The following CCDC60 variants were observed in gnomAD, a reference collection of about 807,000 sequenced individuals.
CCDC60 encodes coiled-coil domain containing 60.
A neutral mutation model predicts 63.5 loss-of-function variants in CCDC60; 54 were observed. The observed-to-expected ratio is 0.85, with a 90% confidence interval of 0.68 to 1.07. The LOEUF is 1.07. Among genes scored for constraint, CCDC60 ranks in the 50% least tolerant of loss-of-function variants. The probability of loss-of-function intolerance (pLI) is 0.00; values close to 1 mark genes in which losing one functional copy is unlikely to be tolerated. For synonymous variants in CCDC60, 206 were observed against 238.8 expected (o/e 0.86, Z 1.27); for missense variants, 651 against 684.3 (o/e 0.95, Z 0.54).
intron 2 of CCDC60, among the ~76,000 whole-genome samples, chr12:119,447,076 C>A (rs1408177260): frequency 6.6e-6 from 1 of 152,174 alleles, no homozygotes; most frequent in African/African-American, 2.4e-5. Context: ...ACTGACACAG[C>A]TCAGCAAACT....
chr12:119,337,016 GGA>G (rs1322604800), intron 1 of CCDC60, among the ~76,000 whole-genome samples: 4 of 152,156 alleles, frequency 2.6e-5, no homozygotes, highest in Admixed American at 2.6e-4. Flanking sequence ...TCATGCCCCA[GGA>G]AGGAGGGCCT....
chr12:119,455,470 A>G (rs1950709642), intron 2 of CCDC60, among the ~76,000 whole-genome samples: 1 of 152,346 alleles, frequency 6.6e-6, no homozygotes, highest in South Asian at 2.1e-4. Flanking sequence ...GGGAAGAGGT[A>G]TTGAATGACC....
chr12:119,473,893 A>G (rs1000289738), intron 3 of CCDC60, among the ~76,000 whole-genome samples: 6 of 152,144 alleles, frequency 3.9e-5, no homozygotes, highest in Non-Finnish European at 7.3e-5. Context: ...GACTAGTTCT[A>G]TATTTTTGCA....
chr12:119,461,498 C>T (rs1275077437), intron 2 of CCDC60, among the ~76,000 whole-genome samples: 1 of 152,064 alleles, frequency 6.6e-6, no homozygotes, highest in Non-Finnish European at 1.5e-5. Flanking sequence ...TGAGAATACT[C>T]CTATTGCTGC....
chr12:119,505,717 G>A (rs983935660), intron 7 of CCDC60, among the ~76,000 whole-genome samples: 2 of 152,106 alleles, frequency 1.3e-5, no homozygotes, highest in South Asian at 2.1e-4. Flanking sequence ...TCAGCTGGGC[G>A]TGATGGCACA....
chr12:119,419,804 C>T (rs1296872155), intron 1 of CCDC60, among the ~76,000 whole-genome samples: 2 of 152,026 alleles, frequency 1.3e-5, no homozygotes, highest in East Asian at 1.9e-4. Context: ...CCACCTCTCC[C>T]TGACAATCAA....
At chr12:119,394,118 A>G (rs1409772787) in intron 1 of CCDC60, among the ~76,000 whole-genome samples, 1 of 152,214 alleles carries the variant, frequency 6.6e-6, no homozygotes, top group Admixed American at 6.5e-5. Context: ...CATGCCAGGC[A>G]TTCTGTGTTC....
At chr12:119,426,836 G>C (rs2136229723) in intron 1 of CCDC60, among the ~76,000 whole-genome samples, 1 of 152,182 alleles carries the variant, frequency 6.6e-6, no homozygotes, top group Non-Finnish European at 1.5e-5. Flanking sequence ...CTCCCACTCT[G>C]CCTCCCACCC....
intron 9 of CCDC60, among the ~76,000 whole-genome samples, chr12:119,521,934 C>T (rs1952541124): frequency 6.6e-6 from 1 of 152,112 alleles, no homozygotes; most frequent in African/African-American, 2.4e-5. Context: ...TGAGGATTTG[C>T]CTACTAGGCC....
At chr12:119,451,449 A>C (rs952482956) in intron 2 of CCDC60, among the ~76,000 whole-genome samples, 1 of 149,044 alleles carries the variant, frequency 6.7e-6, no homozygotes, top group Admixed American at 6.7e-5. Context: ...GTAATTTGTC[A>C]TGTGATATGT....
chr12:119,371,767 C>G (rs1955900138), intron 1 of CCDC60, among the ~76,000 whole-genome samples: 1 of 152,188 alleles, frequency 6.6e-6, no homozygotes, highest in South Asian at 2.1e-4. Context: ...AGAAACAAAC[C>G]AGCTTGGAAT....
At chr12:119,425,408 G>T (rs1956882797) in intron 1 of CCDC60, among the ~76,000 whole-genome samples, 1 of 152,164 alleles carries the variant, frequency 6.6e-6, no homozygotes, top group Admixed American at 6.5e-5. Flanking sequence ...GTTGGGAAAA[G>T]AAAAAGAACT....
intron 2 of CCDC60, among the ~76,000 whole-genome samples, chr12:119,455,170 G>A (rs1040688233): frequency 6.6e-6 from 1 of 152,186 alleles, no homozygotes; most frequent in African/African-American, 2.4e-5. Context: ...TAGGCATATT[G>A]ATGCCCACGA....
At chr12:119,354,851 T>A (rs978885499) in intron 1 of CCDC60, among the ~76,000 whole-genome samples, 1 of 152,084 alleles carries the variant, frequency 6.6e-6, no homozygotes, top group Non-Finnish European at 1.5e-5. Context: ...GCCAAAGAAA[T>A]CTCTTCTTGG....
intron 5 of CCDC60, among the ~76,000 whole-genome samples, chr12:119,494,103 T>C (rs1446939261): frequency 1.3e-5 from 2 of 152,248 alleles, no homozygotes; most frequent in African/African-American, 4.8e-5. Context: ...ATTGGTTAAG[T>C]GGTTGTGAAC....
chr12:119,354,677 G>C (rs148282302), intron 1 of CCDC60, among the ~76,000 whole-genome samples: 5 of 152,328 alleles, frequency 3.3e-5, no homozygotes, highest in African/African-American at 1.2e-4. Flanking sequence ...TTGATATCAA[G>C]TTACTGCTCA....
intron 1 of CCDC60, among the ~76,000 whole-genome samples, chr12:119,357,931 C>G (rs1222742686): frequency 1.3e-5 from 2 of 152,126 alleles, no homozygotes; most frequent in South Asian, 4.1e-4. Flanking sequence ...TCTGGGGAGA[C>G]CTCAGGAAAC....
intron 1 of CCDC60, among the ~76,000 whole-genome samples, chr12:119,360,708 G>A (rs1955777868): frequency 6.6e-6 from 1 of 152,094 alleles, no homozygotes; most frequent in Non-Finnish European, 1.5e-5. Flanking sequence ...GCCGGGAAGA[G>A]GCGCTCCTCA....
chr12:119,389,067 ATT>A (rs1956109064), intron 1 of CCDC60, among the ~76,000 whole-genome samples: 1 of 152,160 alleles, frequency 6.6e-6, no homozygotes, highest in Non-Finnish European at 1.5e-5. Context: ...GCTCATGCAC[ATT>A]CATGGCTTCC....
Sources: gnomAD v4.1 joint callset for allele counts (sites outside exome capture counted in the v4.1 genomes callset) on GRCh38, gnomAD v4.1.1 for gene constraint, MANE v1.5 for transcripts, NCBI Gene and HGNC (gene_info 2026-07-23, HGNC 2026-07-21) for gene names.